CCND3: variants seen among roughly 807,000 people sequenced by gnomAD.
The protein encoded by CCND3 is cyclin D3.
A neutral mutation model predicts 28.7 loss-of-function variants in CCND3; 9 were observed. That is an observed-to-expected ratio of 0.31 (90% CI 0.19 to 0.55). CCND3 has a LOEUF of 0.55. Ranked by LOEUF, CCND3 falls within the 20% of genes least tolerant of loss-of-function variation. The pLI is 0.93. For synonymous variants in CCND3, 164 were observed against 163.9 expected (o/e 1.00, Z 0.00); for missense variants, 315 against 385.8 (o/e 0.82, Z 1.54).
At chr6:41,974,448 C>T (rs1051656188) in intron 1 of CCND3, among the ~76,000 whole-genome samples, 1 of 152,176 alleles carries the variant, frequency 6.6e-6, no homozygotes, top group Non-Finnish European at 1.5e-5. Context: ...TGCCAGCCCC[C>T]TCCCCTCTAA....
At chr6:42,030,592 C>T (rs1200236189) in intron 1 of CCND3, among the ~76,000 whole-genome samples, 1 of 152,226 alleles carries the variant, frequency 6.6e-6, no homozygotes, top group Non-Finnish European at 1.5e-5. Context: ...GACCACTCCA[C>T]TGTCTCCTCT....
At chr6:42,016,537 G>A (rs1312641327) in intron 1 of CCND3, among the ~76,000 whole-genome samples, 3 of 151,514 alleles carry the variant, frequency 2.0e-5, no homozygotes, top group Non-Finnish European at 2.9e-5. Context: ...CACTCAACAC[G>A]GTGCCTAGCA....
chr6:42,031,039 A>C (rs932019426), intron 1 of CCND3, among the ~76,000 whole-genome samples: 7 of 152,094 alleles, frequency 4.6e-5, no homozygotes, highest in Non-Finnish European at 7.4e-5. Context: ...CTCCCTCTTC[A>C]GCTGCTGCAT....
intron 1 of CCND3, among the ~76,000 whole-genome samples, chr6:42,001,628 A>C (rs1268043904): frequency 6.6e-6 from 1 of 152,136 alleles, no homozygotes; most frequent in East Asian, 1.9e-4. Context: ...CTGTAATCGC[A>C]GCTACTGGGT....
intron 1 of CCND3, among the ~76,000 whole-genome samples, chr6:42,009,340 G>C: frequency 6.6e-6 from 1 of 152,176 alleles, no homozygotes; most frequent in East Asian, 1.9e-4. Flanking sequence ...GGCCAGAAGC[G>C]GTGGCTCACA....
Position 42,048,279 on chromosome 6 carries a change from G to C in CCND3, c.-46+222C>G, listed in dbSNP as rs1422203650. ...CAGCTGGAGGGGGTTGTGCCGATGT[G>C]TGTACATACAGAGGGCTCAGGGCCT... On this transcript the variant is annotated intron_variant, in intron 1 of 4. Coordinates refer to the CCND3 transcript ENST00000372988. The surrounding 1 kb of genome is among the most constrained non-coding windows in gnomAD (Gnocchi z 4.7). 1 of 304,284 alleles carries C rather than the reference G, an allele frequency of 3.3e-6. No individual in the cohort carries two copies. The highest frequency in any genetic ancestry group is 2.3e-5 in the African/African-American group (1 of 44,288). The allele number at this position is 304,284 out of a possible 1,614,324, so 18.8% of individuals were successfully genotyped here. A position where few individuals can be genotyped will look rare whatever the true frequency, so the allele number is the denominator to read the frequency against.
At chr6:41,970,068 C>T (rs907218893) in intron 1 of CCND3, among the ~76,000 whole-genome samples, 7 of 152,108 alleles carry the variant, frequency 4.6e-5, no homozygotes, top group South Asian at 2.1e-4. Context: ...AGGCCAGGCG[C>T]GGTGGCTCAC....
chr6:41,971,604 T>A (rs1762033773), intron 1 of CCND3, among the ~76,000 whole-genome samples: 1 of 151,614 alleles, frequency 6.6e-6, no homozygotes, highest in Admixed American at 6.6e-5. Flanking sequence ...TTCAGTGGCA[T>A]GATCTTGGCT....
chr6:42,011,193 C>T lies in CCND3; in HGVS notation c.-46+37308G>A, dbSNP rs954195273. The T allele has an allele frequency of 2.0e-5, 3 of 152,266 alleles. No homozygotes were observed. The East Asian group carries it at 5.8e-4, about 29-fold the overall frequency. The allele number at this position is 152,266 out of a possible 1,614,324, so 9.4% of individuals were successfully genotyped here. A position where few individuals can be genotyped will look rare whatever the true frequency, so the allele number is the denominator to read the frequency against. ...AGTATGTTGGTGCAATCACAGCTCA[C>T]TGCAGCCTCAAACTCCTGGGCTCAA... On this transcript the variant is annotated intron_variant, in intron 1 of 4. Coordinates refer to the CCND3 transcript ENST00000372988.
chr6:41,982,432 ACT>A (rs1318080043), intron 1 of CCND3, among the ~76,000 whole-genome samples: 1 of 152,132 alleles, frequency 6.6e-6, no homozygotes, highest in Non-Finnish European at 1.5e-5. Flanking sequence ...AAACTAGAAA[ACT>A]CTGATGAAAG....
chr6:42,048,744 G>T lies in CCND3; in HGVS notation c.-289C>A. 2.0e-6 allele frequency: 1 copy of T among 489,790 alleles called. No homozygotes were observed. The highest frequency in any genetic ancestry group is 4.0e-6 in the Non-Finnish European group (1 of 246,932). 30.3% of individuals were successfully genotyped at this position (489,790 alleles called of 1,614,324 possible). A position where few individuals can be genotyped will look rare whatever the true frequency, so the allele number is the denominator to read the frequency against. ...GCTGGGCAGGAAGTGGGGAAGAGGG[G>T]GCGGAGGAGACAAAGGGGCTGGTGC... On this transcript the variant is annotated 5_prime_UTR_variant, in exon 1 of 5. Coordinates refer to the CCND3 transcript ENST00000372988. The surrounding 1 kb of genome is among the most constrained non-coding windows in gnomAD (Gnocchi z 4.7).
chr6:41,953,288 A>G (rs1776358906), intron 1 of CCND3, among the ~76,000 whole-genome samples: 1 of 151,558 alleles, frequency 6.6e-6, no homozygotes, highest in Non-Finnish European at 1.5e-5. Flanking sequence ...AAAAGGTGCA[A>G]AACATTGAGT....
chr6:41,979,621 GTCTCTCTC>G (rs71544259), intron 1 of CCND3, among the ~76,000 whole-genome samples: 17 of 142,338 alleles, frequency 1.2e-4, no homozygotes, highest in African/African-American at 2.6e-4. Flanking sequence ...ATCTCTCTCT[GTCTCTCTC>G]TCTCTCTCTC....
intron 1 of CCND3, among the ~76,000 whole-genome samples, chr6:42,027,742 G>T (rs12191565): frequency 0.52 from 77,630 of 150,410 alleles, 20,399 homozygotes; most frequent in Middle Eastern, 0.59. Flanking sequence ...AGTTTTTTTT[G>T]TTTGTTTGTT....
intron 1 of CCND3, among the ~76,000 whole-genome samples, chr6:41,960,462 C>T (rs1438978594): frequency 6.6e-6 from 1 of 152,202 alleles, no homozygotes; most frequent in Admixed American, 6.5e-5. Context: ...GTCATCTTCT[C>T]TCCAGGGAGG....
intron 1 of CCND3, among the ~76,000 whole-genome samples, chr6:42,023,777 G>A (rs115690744): frequency 0.012 from 1,819 of 152,166 alleles, 29 homozygotes; most frequent in African/African-American, 0.041. Flanking sequence ...GCAGGGTCCT[G>A]ACCCTGTCAC....
rs763095886 is a variant in CCND3 at position 41,940,963 on chromosome 6, G to A, written c.199-378C>T. 6.8e-6 allele frequency: 11 copies of A among 1,612,944 alleles called. No homozygotes were observed. In the South Asian group the frequency reaches 1.2e-4, roughly 18 times the overall value. ...ACCACTGCACACACCCGAGGGGAAG[G>A]GAGGAGGCTCCTGCCGCTGCCTCCT... On this transcript the variant is annotated intron_variant, in intron 1 of 4. Coordinates refer to ENST00000372991, the MANE Select transcript of CCND3 (RefSeq NM_001760.5).
At chr6:42,038,543 T>TA (rs78535061) in intron 1 of CCND3, among the ~76,000 whole-genome samples, 19,763 of 120,888 alleles carry the variant, frequency 0.16, 1,578 homozygotes, top group East Asian at 0.37. Flanking sequence ...CCATCTCAAC[T>TA]AAAAAAAAAA....
intron 1 of CCND3, among the ~76,000 whole-genome samples, chr6:42,017,133 C>G (rs1763544224): frequency 6.6e-6 from 1 of 152,164 alleles, no homozygotes. Context: ...CTGGCCCTCC[C>G]CCACACAGCA....
Sources: allele counts gnomAD v4.1 joint callset (sites outside exome capture counted in the v4.1 genomes callset), GRCh38; gene constraint gnomAD v4.1.1; non-coding constraint Gnocchi (gnomAD v3.1); transcripts MANE v1.5; gene names NCBI Gene and HGNC (gene_info 2026-07-23, HGNC 2026-07-21).